SLC6A19: variants seen among roughly 807,000 people sequenced by gnomAD.
SLC6A19 encodes the protein sodium-dependent neutral amino acid transporter B(0)AT1.
SLC6A19 carries 67 observed loss-of-function variants against 68.3 expected under a neutral mutation model. The ratio of observed to expected loss-of-function variants is 0.98; its 90% CI spans 0.81 to 1.20. The LOEUF is 1.20. Among genes scored for constraint, SLC6A19 ranks in the 50% most tolerant of loss-of-function variants. The pLI is 0.00. For missense variants in SLC6A19, 813 were observed against 851.6 expected, an observed-to-expected ratio of 0.95 and a Z score of 0.56; for synonymous variants, 392 against 374.9, an observed-to-expected ratio of 1.05 and a Z score of -0.53.
At chr5:1,216,406 G>C in intron 6 of SLC6A19, 152 bp from the exon 7 acceptor site, 1 of 1,123,588 alleles carries the variant, frequency 8.9e-7, no homozygotes, top group Non-Finnish European at 1.3e-6. Flanking sequence ...CTCGGAGTGG[G>C]GCAGGGGCTC....
rs770589698 is a variant in SLC6A19, at chr5:1,216,842, A to G, written c.1070A>G (p.Gln357Arg). The G allele has an allele frequency of 8.7e-6, 14 of 1,613,834 alleles. No individual in the cohort carries two copies. The highest frequency in any genetic ancestry group is 1.2e-5 in the Non-Finnish European group (14 of 1,180,044). ...GACCTGCCTGAAGGCAACGTGACCC[A>G]GGAGAACTTTGTGGACATGCAGCAG... The part of the protein sequence containing the change: ...GFDLPEGNVT[Q>R]ENFVDMQQRC... The change falls in exon 8 of 12, where the codon CAG becomes CGG. Residue 357 changes from glutamine (Q) to arginine (R), a missense_variant. Transcript: ENST00000304460.
chr5:1,213,931 T>G, intron 5 of SLC6A19, 22 bp from the exon 6 acceptor site: 1 of 1,612,038 alleles, frequency 6.2e-7, no homozygotes, highest in East Asian at 2.2e-5. Flanking sequence ...CATGAGTGGC[T>G]GAGGGTCTCC....
chr5:1,209,649 C>A lies in SLC6A19; in HGVS notation c.343+763C>A, dbSNP rs997553064. Among the ~76,000 whole-genome samples the A allele has an allele frequency of 4.0e-5, 6 of 151,378 alleles. No individual in the cohort carries two copies. Among genetic ancestry groups the A allele is most frequent in the African/African-American group, 1.5e-4 (6 of 41,152 alleles). Reference sequence around the variant, plus strand: ...TCTCTGTCTCTGTCATTCTCTCTTTCCCCTCCTATTCTCTCCCTTCCCCCC... The same window carrying A: ...TCTCTGTCTCTGTCATTCTCTCTTTACCCTCCTATTCTCTCCCTTCCCCCC... On this transcript the variant is annotated intron_variant, in intron 2 of 11. Coordinates refer to ENST00000304460, the MANE Select transcript of SLC6A19 (RefSeq NM_001003841.3). This position sits in a 1 kb window ranked among gnomAD's most constrained non-coding sequence, Gnocchi z 5.5.
At chr5:1,218,829 A>T in intron 8 of SLC6A19, 74 bp from the exon 9 acceptor site, 1 of 1,534,976 alleles carries the variant, frequency 6.5e-7, no homozygotes, top group Non-Finnish European at 8.9e-7. Flanking sequence ...TTGGCGACGC[A>T]CGAGACCTCG....
Position 1,212,535 on chromosome 5 carries a change from G to A in SLC6A19, c.663+51G>A. The A allele has an allele frequency of 6.3e-7, 1 of 1,594,384 alleles. No homozygotes were observed. Among genetic ancestry groups the A allele is most frequent in the Non-Finnish European group, 8.5e-7 (1 of 1,175,726 alleles). On this transcript the variant is annotated intron_variant, in intron 4 of 11. Coordinates refer to ENST00000304460, the MANE Select transcript of SLC6A19 (RefSeq NM_001003841.3). The surrounding 1 kb of genome is among the most constrained non-coding windows in gnomAD (Gnocchi z 5.1). ...CAGGTGCTCCAGAGGGCGGGTGCGG[G>A]CAGCCCTGCCTCCGGCCGGCTGCAC...
chr5:1,205,974 G>C (rs566529097), intron 1 of SLC6A19, among the ~76,000 whole-genome samples: 2 of 152,174 alleles, frequency 1.3e-5, no homozygotes, highest in Non-Finnish European at 2.9e-5. Flanking sequence ...TACACACCTG[G>C]CTCTGCTGCT....
In SLC6A19 at chr5:1,208,827, G is replaced by C. The variant is rs201936518; in HGVS notation, c.284G>C (p.Arg95Pro). Residue 95 changes from arginine (R) to proline (P), a missense_variant, in exon 2 of 12, where the codon CGG (arginine) becomes CCG (proline). By Grantham distance (103) the Arg-to-Pro change is moderately radical. Transcript: ENST00000304460. ...TACCTGGAGTTCGCCATCGGGCAGC[G>C]GCTGCGGCGGGGCAGCCTGGGTGTG... is the stretch of plus-strand genomic sequence containing the variant. Reference protein sequence around the residue: ...LLYLEFAIGQRLRRGSLGVWS... With the variant: ...LLYLEFAIGQPLRRGSLGVWS... The C allele has an allele frequency of 6.2e-7, 1 of 1,613,332 alleles. No individual in the cohort carries two copies. The highest frequency in any genetic ancestry group is 2.2e-5 in the East Asian group (1 of 44,874).
rs778488956 is a variant in SLC6A19 at position 1,214,375 on chromosome 5, C to T, written c.887+310C>T. 1.8e-4 allele frequency among the ~76,000 whole-genome samples: 28 copies of T among 152,140 alleles called. No individual in the cohort carries two copies. Among genetic ancestry groups the T allele is most frequent in the Non-Finnish European group, 3.5e-4 (24 of 68,016 alleles). On this transcript the variant is annotated intron_variant, in intron 6 of 11. Coordinates refer to ENST00000304460, the MANE Select transcript of SLC6A19 (RefSeq NM_001003841.3). This position sits in a 1 kb window ranked among gnomAD's most constrained non-coding sequence, Gnocchi z 7.4. ...CCAGTTCCCTGCTCCACACCCACAT[C>T]GCTCCCAGCCCACCCCTGGGCATCC...
intron 2 of SLC6A19, among the ~76,000 whole-genome samples, 188 bp from the exon 3 acceptor site, chr5:1,210,252 AAGGC>A (rs1327378331): frequency 6.6e-6 from 1 of 152,194 alleles, no homozygotes; most frequent in African/African-American, 2.4e-5. Context: ...GTGAGCCTGG[AAGGC>A]GTGTACAGGC....
rs554777392 is a variant in SLC6A19 at position 1,213,574 on chromosome 5, G to A, written c.774+1G>A. 3.1e-5 allele frequency: 50 copies of A among 1,611,122 alleles called. No homozygotes were observed. Among genetic ancestry groups the A allele is most frequent in the Non-Finnish European group, 3.7e-5 (44 of 1,179,184 alleles). On this transcript the variant is annotated splice_donor_variant, in intron 5 of 11. Coordinates refer to ENST00000304460, the MANE Select transcript of SLC6A19 (RefSeq NM_001003841.3). LOFTEE classifies it high-confidence loss of function. Reference sequence around the variant, plus strand: ...CATCGTCTTCCTCTTCACGCCCAACGTAAGTCCCCGAGGCTGCCCTGGGCC... The same window carrying A: ...CATCGTCTTCCTCTTCACGCCCAACATAAGTCCCCGAGGCTGCCCTGGGCC...
At chr5:1,221,518 C>T (rs1746381574) in intron 11 of SLC6A19, among the ~76,000 whole-genome samples, 183 bp from the exon 12 acceptor site, 1 of 152,174 alleles carries the variant, frequency 6.6e-6, no homozygotes, top group Admixed American at 6.5e-5. Context: ...CACACCATCC[C>T]AGGAGGGAGG....
intron 2 of SLC6A19, 40 bp downstream of exon 2, chr5:1,208,926 G>A (rs563106678): frequency 1.1e-5 from 18 of 1,586,316 alleles, no homozygotes; most frequent in East Asian, 6.8e-5. Context: ...CCCAGGGGTC[G>A]CCTCTGCTGG....
intron 11 of SLC6A19, 127 bp downstream of exon 11, chr5:1,221,440 C>A: frequency 8.1e-7 from 1 of 1,238,270 alleles, no homozygotes; most frequent in South Asian, 1.3e-5. Context: ...CACACACTCA[C>A]ACTCAGGTGC....
chr5:1,219,387 G>A, intron 9 of SLC6A19, 118 bp from the exon 10 acceptor site: 1 of 1,425,744 alleles, frequency 7.0e-7, no homozygotes, highest in Non-Finnish European at 9.6e-7. Context: ...CAGCCCCCGG[G>A]TGTGTGAACA....
At chr5:1,208,968 T>C in intron 2 of SLC6A19, 82 bp downstream of exon 2, 2 of 1,518,366 alleles carry the variant, frequency 1.3e-6, no homozygotes, top group Non-Finnish European at 1.8e-6. Flanking sequence ...AGGGTTCGCC[T>C]TGCCGGCCTC....
At chr5:1,205,212 G>A (rs940375989) in intron 1 of SLC6A19, among the ~76,000 whole-genome samples, 13 of 152,238 alleles carry the variant, frequency 8.5e-5, no homozygotes, top group African/African-American at 2.7e-4. Context: ...TGTTCCCTGG[G>A]CGCTGGCCGC....
rs1463108868 is a variant in SLC6A19 at position 1,212,032 on chromosome 5, G to A, written c.482-271G>A. Reference sequence around the variant, plus strand: ...AGCATGTGTGCCTCTGTGCATGTGTGTGCTGTGTGTGTGTGTGCATGTGCA... The same window carrying A: ...AGCATGTGTGCCTCTGTGCATGTGTATGCTGTGTGTGTGTGTGCATGTGCA... On this transcript the variant is annotated intron_variant, in intron 3 of 11. Transcript: ENST00000304460. The surrounding 1 kb of genome is among the most constrained non-coding windows in gnomAD (Gnocchi z 5.1). Among the ~76,000 whole-genome samples, 1 of 150,646 alleles carries A rather than the reference G, an allele frequency of 6.6e-6. No homozygotes were observed. The highest frequency in any genetic ancestry group is 6.6e-5 in the Admixed American group (1 of 15,104).
chr5:1,210,705 G>T (rs1452598707), intron 3 of SLC6A19, 124 bp downstream of exon 3: 5 of 1,414,400 alleles, frequency 3.5e-6, no homozygotes, highest in East Asian at 2.4e-5. Flanking sequence ...AGGCAACAGG[G>T]TGTCAAAAAA....
chr5:1,202,960 G>A (rs183095969), intron 1 of SLC6A19, among the ~76,000 whole-genome samples: 23 of 152,226 alleles, frequency 1.5e-4, no homozygotes, highest in African/African-American at 3.9e-4. Context: ...TGGCCACTCC[G>A]ATACTATAGT....
Sources: gnomAD v4.1 joint callset for allele counts (sites outside exome capture counted in the v4.1 genomes callset) on GRCh38, gnomAD v4.1.1 for gene constraint, Gnocchi (gnomAD v3.1) non-coding constraint, MANE v1.5 for transcripts, NCBI Gene and HGNC (gene_info 2026-07-23, HGNC 2026-07-21) for gene names.